Variants in GRM8 observed in about 807,000 individuals in gnomAD.
GRM8 encodes glutamate metabotropic receptor 8, also known as metabotropic glutamate receptor 8.
In GRM8, 47 loss-of-function variants were observed where a neutral mutation model predicts 87.2. The ratio of observed to expected loss-of-function variants is 0.54; its 90% confidence interval spans 0.43 to 0.69. The LOEUF (loss-of-function observed/expected upper bound fraction) is 0.69, where lower values mean the gene tolerates loss of function less well. Among genes scored for constraint, GRM8 ranks in the 30% least tolerant of loss-of-function variants. The pLI is 0.00. For synonymous variants in GRM8, 396 were observed against 404.5 expected (o/e 0.98, Z 0.25); for missense variants, 1,019 against 1,139.2 (o/e 0.89, Z 1.52).
intron 8 of GRM8, among the ~76,000 whole-genome samples, chr7:126,566,960 G>A (rs1794270136): frequency 2.0e-5 from 3 of 152,146 alleles, no homozygotes; most frequent in Non-Finnish European, 4.4e-5. Flanking sequence ...TCACTCCTAT[G>A]TGGAATCTAA....
intron 3 of GRM8, among the ~76,000 whole-genome samples, chr7:127,012,541 T>G (rs1273171012): frequency 6.6e-6 from 1 of 152,158 alleles, no homozygotes; most frequent in Admixed American, 6.6e-5. Context: ...TCTACTTAAA[T>G]AGCATTTTTA....
intron 3 of GRM8, among the ~76,000 whole-genome samples, chr7:127,101,802 G>A (rs1825292627): frequency 6.6e-6 from 1 of 152,196 alleles, no homozygotes; most frequent in Non-Finnish European, 1.5e-5. Flanking sequence ...CTGAAAATGT[G>A]GAAGTGACTT....
At chr7:126,751,229 T>A (rs1237840831) in intron 7 of GRM8, among the ~76,000 whole-genome samples, 2 of 152,112 alleles carry the variant, frequency 1.3e-5, no homozygotes, top group Non-Finnish European at 2.9e-5. Context: ...CTAGGAATTT[T>A]ACTTAACATC....
chr7:126,785,616 A>G (rs919591481), intron 6 of GRM8, among the ~76,000 whole-genome samples: 2 of 152,012 alleles, frequency 1.3e-5, no homozygotes, highest in Non-Finnish European at 2.9e-5. Context: ...TTTAAGACCC[A>G]GGTCTTTCGC....
chr7:126,867,462 T>C (rs1199890028), intron 6 of GRM8, among the ~76,000 whole-genome samples: 1 of 152,218 alleles, frequency 6.6e-6, no homozygotes, highest in African/African-American at 2.4e-5. Flanking sequence ...TTTATAAATT[T>C]CTGGAAATTG....
chr7:126,452,192 C>A (rs1161555908), intron 9 of GRM8, among the ~76,000 whole-genome samples: 1 of 149,968 alleles, frequency 6.7e-6, no homozygotes, highest in Non-Finnish European at 1.5e-5. Flanking sequence ...GGACAAAAAA[C>A]CAAACATGGT....
At chr7:127,091,889 G>A (rs1250406870) in intron 3 of GRM8, among the ~76,000 whole-genome samples, 1 of 36,638 alleles carries the variant, frequency 2.7e-5, no homozygotes, top group African/African-American at 1.2e-4. Context: ...ATCATTCCCC[G>A]CCGGCCCACT....
intron 8 of GRM8, among the ~76,000 whole-genome samples, chr7:126,599,842 C>T (rs990152631): frequency 1.3e-5 from 2 of 152,096 alleles, no homozygotes; most frequent in Admixed American, 1.3e-4. Flanking sequence ...CCCGCATAGT[C>T]CTGTTACTTC....
intron 9 of GRM8, among the ~76,000 whole-genome samples, chr7:126,464,890 T>C (rs950251472): frequency 6.6e-6 from 1 of 151,788 alleles, no homozygotes; most frequent in Non-Finnish European, 1.5e-5. Flanking sequence ...ATTTTTAATC[T>C]TCATTTCTTA....
At chr7:126,917,109 A>G (rs1434649474) in intron 3 of GRM8, among the ~76,000 whole-genome samples, 1 of 152,126 alleles carries the variant, frequency 6.6e-6, no homozygotes, top group East Asian at 1.9e-4. Context: ...CCAAGTAGCT[A>G]GGACTACAGG....
intron 2 of GRM8, among the ~76,000 whole-genome samples, chr7:127,192,517 C>T (rs1795078774): frequency 6.6e-6 from 1 of 152,212 alleles, no homozygotes; most frequent in Non-Finnish European, 1.5e-5. Flanking sequence ...TATCTGCTCT[C>T]ACCCGATAGG....
chr7:126,526,977 T>A (rs1227127995), intron 9 of GRM8, among the ~76,000 whole-genome samples: 7 of 152,178 alleles, frequency 4.6e-5, no homozygotes, highest in African/African-American at 1.4e-4. Context: ...CCACAAAAAA[T>A]CGACCGTAAT....
At chr7:126,598,756 C>A (rs747702332) in intron 8 of GRM8, among the ~76,000 whole-genome samples, 1 of 152,108 alleles carries the variant, frequency 6.6e-6, no homozygotes, top group Non-Finnish European at 1.5e-5. Context: ...CAAAGACATT[C>A]TCCTGAAGCT....
intron 2 of GRM8, among the ~76,000 whole-genome samples, chr7:127,138,836 A>T (rs1828096320): frequency 6.6e-6 from 1 of 152,122 alleles, no homozygotes; most frequent in Non-Finnish European, 1.5e-5. Flanking sequence ...ATCTTAAACA[A>T]GACGAAAATC....
At chr7:127,191,463 T>A (rs1795024095) in intron 2 of GRM8, among the ~76,000 whole-genome samples, 2 of 152,220 alleles carry the variant, frequency 1.3e-5, no homozygotes, top group Non-Finnish European at 2.9e-5. Flanking sequence ...TATATTCATT[T>A]ATAGCTAATT....
At chr7:127,148,299 C>T (rs1828658858) in intron 2 of GRM8, among the ~76,000 whole-genome samples, 1 of 151,864 alleles carries the variant, frequency 6.6e-6, no homozygotes. Context: ...AATATATATG[C>T]ACCCCACACC....
At chr7:126,789,655 C>T (rs1821056505) in intron 6 of GRM8, among the ~76,000 whole-genome samples, 1 of 152,086 alleles carries the variant, frequency 6.6e-6, no homozygotes, top group Non-Finnish European at 1.5e-5. Context: ...TGACAAATAA[C>T]AAGCCTGCAG....
At chr7:126,801,388 T>C (rs1319942937) in intron 6 of GRM8, among the ~76,000 whole-genome samples, 1 of 78,112 alleles carries the variant, frequency 1.3e-5, no homozygotes. Flanking sequence ...CATAAAAATT[T>C]ATGATCTAGA....
chr7:126,632,317 C>T (rs1801399977), intron 7 of GRM8, among the ~76,000 whole-genome samples: 1 of 152,088 alleles, frequency 6.6e-6, no homozygotes, highest in African/African-American at 2.4e-5. Context: ...AAATGCAAAT[C>T]AAAACCACAA....
Sources: gnomAD v4.1 joint callset for allele counts (sites outside exome capture counted in the v4.1 genomes callset) on GRCh38, gnomAD v4.1.1 for gene constraint, MANE v1.5 for transcripts, NCBI Gene and HGNC (gene_info 2026-07-23, HGNC 2026-07-21) for gene names.